Variants in MBNL2 observed in about 807,000 individuals in gnomAD.
MBNL2 encodes muscleblind like splicing regulator 2, also known as muscleblind-like protein 2.
MBNL2 carries 17 observed loss-of-function variants against 41.9 expected under a neutral mutation model. The ratio of observed to expected loss-of-function variants is 0.41; its 90% CI spans 0.28 to 0.61. The LOEUF is 0.61. Ranked by LOEUF, MBNL2 falls within the 20% of genes least tolerant of loss-of-function variation. The pLI is 0.35. For missense variants in MBNL2, 336 were observed against 505.6 expected, an observed-to-expected ratio of 0.66 and a Z score of 3.22; for synonymous variants, 195 against 182.9, an observed-to-expected ratio of 1.07 and a Z score of -0.53.
the MBNL2 span, among the ~76,000 whole-genome samples, chr13:97,206,319 C>T: frequency 6.6e-6 from 1 of 151,952 alleles, no homozygotes; most frequent in Non-Finnish European, 1.5e-5. Context: ...GGATGTCATA[C>T]AGTCTACTAG....
At chr13:97,230,699 A>G (rs772147680) in intron 1 of MBNL2, among the ~76,000 whole-genome samples, 1 of 152,228 alleles carries the variant, frequency 6.6e-6, no homozygotes, top group Non-Finnish European at 1.5e-5. Flanking sequence ...AACAACCAAT[A>G]CTATTAAGCA....
chr13:97,313,309 T>C lies in MBNL2; in HGVS notation c.175-20967T>C, dbSNP rs74104398. On this transcript the variant is annotated intron_variant, in intron 2 of 8. Coordinates refer to ENST00000679496, the MANE Select transcript of MBNL2 (RefSeq NM_001382683.1). ...TTGCTTATTCTGAAGCAATTTTCAA[T>C]GGTTTTCCCTGCTTTTCTTTTCCAT... 1.3e-3 allele frequency among the ~76,000 whole-genome samples: 203 copies of C among 152,334 alleles called. 1 individual carries two copies. Among genetic ancestry groups the C allele is most frequent in the African/African-American group, 4.5e-3 (188 of 41,576 alleles).
the MBNL2 span, among the ~76,000 whole-genome samples, chr13:97,202,041 A>G: frequency 6.6e-6 from 1 of 152,218 alleles, no homozygotes; most frequent in South Asian, 2.1e-4. Flanking sequence ...GAGGCTTTTA[A>G]TGAATTATTG....
At chr13:97,357,343 TG>T (rs1231048883) in intron 6 of MBNL2, 138 bp from the exon 7 acceptor site, 13 of 687,500 alleles carry the variant, frequency 1.9e-5, no homozygotes, top group Non-Finnish European at 3.0e-5. Flanking sequence ...ACATTGCCGC[TG>T]TTTAAATTAA....
the MBNL2 span, among the ~76,000 whole-genome samples, chr13:97,166,577 G>A: frequency 6.6e-6 from 1 of 152,126 alleles, no homozygotes; most frequent in Non-Finnish European, 1.5e-5. Flanking sequence ...AGAATATAAA[G>A]CAGGCAGAAA....
intron 3 of MBNL2, among the ~76,000 whole-genome samples, chr13:97,338,222 G>A (rs1056369359): frequency 5.9e-5 from 9 of 152,014 alleles, no homozygotes; most frequent in Non-Finnish European, 1.0e-4. Flanking sequence ...CACACAGCTC[G>A]TGTGTGTCCC....
chr13:97,315,553 G>A (rs773314260), intron 2 of MBNL2, among the ~76,000 whole-genome samples: 3 of 152,228 alleles, frequency 2.0e-5, no homozygotes, highest in Non-Finnish European at 4.4e-5. Context: ...CAGACATGCA[G>A]AGAAGGGGAA....
At chr13:97,235,460 C>A (rs75933093) in intron 1 of MBNL2, among the ~76,000 whole-genome samples, 1 of 152,260 alleles carries the variant, frequency 6.6e-6, no homozygotes, top group Non-Finnish European at 1.5e-5. Flanking sequence ...ACCAATAACC[C>A]AAGATACAAA....
chr13:97,319,727 T>A (rs996741231), intron 2 of MBNL2, among the ~76,000 whole-genome samples: 10 of 152,234 alleles, frequency 6.6e-5, no homozygotes, highest in African/African-American at 2.4e-4. Flanking sequence ...GTAATCAGAA[T>A]ACAAAAATTA....
chr13:97,162,039 C>A, the MBNL2 span, among the ~76,000 whole-genome samples: 1 of 152,084 alleles, frequency 6.6e-6, no homozygotes, highest in Non-Finnish European at 1.5e-5. Context: ...TGATCAGATT[C>A]AATCATGGAG....
At chr13:97,287,939 G>GTTT (rs139487015) in intron 2 of MBNL2, among the ~76,000 whole-genome samples, 1,735 of 114,014 alleles carry the variant, frequency 0.015, 60 homozygotes, top group African/African-American at 0.055. Context: ...GTTTTGTTTT[G>GTTT]TTTTTTTTTT....
chr13:97,163,260 C>T, the MBNL2 span, among the ~76,000 whole-genome samples: 1 of 152,036 alleles, frequency 6.6e-6, no homozygotes, highest in Admixed American at 6.5e-5. Context: ...GAAAAAAGGA[C>T]AAATCGAGGT....
At chr13:97,194,838 C>T in the MBNL2 span, among the ~76,000 whole-genome samples, 1 of 152,132 alleles carries the variant, frequency 6.6e-6, no homozygotes, top group Non-Finnish European at 1.5e-5. Flanking sequence ...TGGCAATGCC[C>T]GGAAGTTAAC....
At chr13:97,349,479 G>T (rs746210372) in intron 5 of MBNL2, among the ~76,000 whole-genome samples, 1 of 152,140 alleles carries the variant, frequency 6.6e-6, no homozygotes, top group Non-Finnish European at 1.5e-5. Context: ...CCTAATTGGT[G>T]TGTTGATTGA....
At chr13:97,345,249 C>G (rs936086234) in intron 4 of MBNL2, among the ~76,000 whole-genome samples, 25 of 152,154 alleles carry the variant, frequency 1.6e-4, no homozygotes, top group Non-Finnish European at 2.6e-4. Flanking sequence ...GCGTGATGAT[C>G]ATTTACATAT....
intron 1 of MBNL2, among the ~76,000 whole-genome samples, chr13:97,223,329 T>C (rs1404937414): frequency 6.6e-6 from 1 of 152,264 alleles, no homozygotes; most frequent in Non-Finnish European, 1.5e-5. Flanking sequence ...ACTTTCTCGC[T>C]GAGAAGCAGC....
chr13:97,350,999 A>G (rs1180299032), intron 5 of MBNL2, among the ~76,000 whole-genome samples: 2 of 152,322 alleles, frequency 1.3e-5, no homozygotes, highest in African/African-American at 2.4e-5. Context: ...TGTGGCAGCT[A>G]CAGCCTTACA....
At chr13:97,221,905 A>G (rs1386558960), upstream of MBNL2, among the ~76,000 whole-genome samples, 1 of 152,196 alleles carries the variant, frequency 6.6e-6, no homozygotes, top group Non-Finnish European at 1.5e-5. Flanking sequence ...CAGACGTTGA[A>G]TTATTTTTCC....
intron 2 of MBNL2, among the ~76,000 whole-genome samples, chr13:97,277,002 G>T (rs1463240168): frequency 2.0e-5 from 3 of 152,190 alleles, no homozygotes; most frequent in Admixed American, 1.3e-4. Flanking sequence ...GTCTGGCAGG[G>T]ACAATTCAGC....
Sources: gnomAD v4.1 joint callset for allele counts (sites outside exome capture counted in the v4.1 genomes callset) on GRCh38, gnomAD v4.1.1 for gene constraint, MANE v1.5 for transcripts, NCBI Gene and HGNC (gene_info 2026-07-23, HGNC 2026-07-21) for gene names.